MMP15: variants seen among roughly 807,000 people sequenced by gnomAD.
MMP15 encodes the protein matrix metalloproteinase-15.
A neutral mutation model predicts 65.0 loss-of-function variants in MMP15; 36 were observed. That is an observed-to-expected ratio of 0.55 (90% CI 0.42 to 0.73). The LOEUF is 0.73. Among genes scored for constraint, MMP15 ranks in the 30% least tolerant of loss-of-function variants. The probability of loss-of-function intolerance (pLI) is 0.00; values close to 1 mark genes in which losing one functional copy is unlikely to be tolerated. For missense variants in MMP15, 870 were observed against 987.8 expected (o/e 0.88, Z 1.60); for synonymous variants, 428 against 410.2 (o/e 1.04, Z -0.52).
chr16:58,042,632 T>C (rs1309545802), intron 7 of MMP15, among the ~76,000 whole-genome samples: 2 of 152,222 alleles, frequency 1.3e-5, no homozygotes, highest in African/African-American at 4.8e-5. Flanking sequence ...CCCTCTGTCC[T>C]TGCCTCTTTG....
intron 1 of MMP15, among the ~76,000 whole-genome samples, chr16:58,033,384 C>T (rs980067390): frequency 2.0e-5 from 3 of 152,176 alleles, no homozygotes; most frequent in South Asian, 2.1e-4. Flanking sequence ...TGAACCTTGC[C>T]GTCTGTATTA....
Position 58,038,312 on chromosome 16 carries a change from C to T in MMP15, c.358C>T (p.Arg120Ter), listed in dbSNP as rs1463139556. The T allele has an allele frequency of 1.9e-6, 3 of 1,614,070 alleles. No homozygotes were observed. Among genetic ancestry groups the T allele is most frequent in the Non-Finnish European group, 1.7e-6 (2 of 1,180,024 alleles). The stretch of plus-strand genomic sequence containing the variant: ...TGGGGTGCCAGACCAGTTCGGGGTA[C>T]GAGTGAAAGCCAACCTGCGGCGGCG... ...RCGVPDQFGVRVKANLRRRRK... is the reference protein window; with the variant it reads ...RCGVPDQFGV The change falls in exon 3 of 10, where the codon CGA (arginine) becomes TGA (stop). Residue 120 changes from arginine (R) to a stop codon, truncating the protein, a stop_gained. Coordinates refer to ENST00000219271, the MANE Select transcript of MMP15 (RefSeq NM_002428.4). LOFTEE classifies it high-confidence loss of function.
At chr16:58,026,835 C>A (rs1452886545) in intron 1 of MMP15, among the ~76,000 whole-genome samples, 2 of 152,232 alleles carry the variant, frequency 1.3e-5, no homozygotes, top group Admixed American at 1.3e-4. Flanking sequence ...CCAGCCCTTG[C>A]CTCCCCTCCT....
In MMP15 at chr16:58,038,376, A is replaced by G. The variant is rs370196494; in HGVS notation, c.422A>G (p.Asn141Ser). 4 of 1,613,914 alleles carry G rather than the reference A, an allele frequency of 2.5e-6. No homozygotes were observed. The highest frequency in any genetic ancestry group is 1.3e-5 in the African/African-American group (1 of 74,928). ...GCCCTCACCGGGAGGAAGTGGAACA[A>G]CCACCATCTGACCTTTAGGTAGGGG... ...RYALTGRKWN[N>S]HHLTFSIQNY... Residue 141 changes from asparagine (N) to serine (S), a missense_variant, in exon 3 of 10, where the codon AAC (asparagine) becomes AGC (serine). Coordinates refer to ENST00000219271, the MANE Select transcript of MMP15 (RefSeq NM_002428.4).
At chr16:58,039,672 T>A (rs1052726746) in intron 3 of MMP15, among the ~76,000 whole-genome samples, 4 of 152,268 alleles carry the variant, frequency 2.6e-5, no homozygotes, top group Admixed American at 2.6e-4. Flanking sequence ...TCAGTTTATT[T>A]GCCACAATGC....
rs994682022 is a variant in MMP15 at position 58,045,468 on chromosome 16, G to A, written c.*22G>A. The A allele has an allele frequency of 4.7e-6, 7 of 1,482,694 alleles. No individual in the cohort carries two copies. Among genetic ancestry groups the A allele is most frequent in the African/African-American group, 1.4e-5 (1 of 71,736 alleles). 91.8% of individuals were successfully genotyped at this position (1,482,694 alleles called of 1,614,324 possible). Reference sequence around the variant, plus strand: ...CTGACCACCCAGCGCTCCTGCTAACGGTGCTCAGGGGGCGCCTGTGGTTCT... The same window carrying A: ...CTGACCACCCAGCGCTCCTGCTAACAGTGCTCAGGGGGCGCCTGTGGTTCT... On this transcript the variant is annotated 3_prime_UTR_variant, in exon 10 of 10. Coordinates refer to ENST00000219271, the MANE Select transcript of MMP15 (RefSeq NM_002428.4).
rs1322000247 is a variant in MMP15, at chr16:58,042,380, G to T, written c.1303+11G>T. ...TTGTCTTTTTCAAAGGTGAGCAGAG[G>T]TAGGGTTAGAGGGTTGGGCACGCCT... is the stretch of plus-strand genomic sequence containing the variant. On this transcript the variant is annotated intron_variant, in intron 7 of 9. Transcript: ENST00000219271. 9.3e-6 allele frequency: 15 copies of T among 1,613,916 alleles called. No homozygotes were observed. The highest frequency in any genetic ancestry group is 1.3e-5 in the Non-Finnish European group (15 of 1,179,864).
At chr16:58,040,440 G>A in intron 4 of MMP15, 97 bp from the exon 5 acceptor site, 3 of 1,433,644 alleles carry the variant, frequency 2.1e-6, no homozygotes, top group East Asian at 2.4e-5. Flanking sequence ...GGAAGCAAGG[G>A]CAGGCTCTCT....
chr16:58,038,411 C>T lies in MMP15; in HGVS notation c.440+17C>T, dbSNP rs1244903693. ...GACCTTTAGGTAGGGGGCTCAGCTG[C>T]CCAGGGAAGCATCTGCCCCTCGGCA... On this transcript the variant is annotated intron_variant, in intron 3 of 9. Coordinates refer to ENST00000219271, the MANE Select transcript of MMP15 (RefSeq NM_002428.4). 6.2e-7 allele frequency: 1 copy of T among 1,613,250 alleles called. No homozygotes were observed.
chr16:58,030,656 C>G (rs1477760526), intron 1 of MMP15, among the ~76,000 whole-genome samples: 1 of 152,158 alleles, frequency 6.6e-6, no homozygotes, highest in African/African-American at 2.4e-5. Context: ...TTGTCCTTCC[C>G]CTAGGAGTGA....
At chr16:58,026,635 G>A (rs1432599899) in intron 1 of MMP15, 123 bp downstream of exon 1, 1 of 1,117,828 alleles carries the variant, frequency 8.9e-7, no homozygotes, top group Non-Finnish European at 1.1e-6. Flanking sequence ...GGGCCGTGGC[G>A]GGGAAGCAAG....
Position 58,025,973 on chromosome 16 carries a change from G to A in MMP15, c.-378G>A, listed in dbSNP as rs1963806103. 6.2e-6 allele frequency: 1 copy of A among 161,926 alleles called. No homozygotes were observed. The highest frequency in any genetic ancestry group is 1.3e-5 in the Non-Finnish European group (1 of 74,944). 10.0% of individuals were successfully genotyped at this position (161,926 alleles called of 1,614,324 possible). A position where few individuals can be genotyped will look rare whatever the true frequency, so the allele number is the denominator to read the frequency against. Reference sequence around the variant, plus strand: ...CGGGCAGCGCCCGGCCCCGGGCATGGACAGAGGGAGCTGGGCGCGCAGGGA... The same window carrying A: ...CGGGCAGCGCCCGGCCCCGGGCATGAACAGAGGGAGCTGGGCGCGCAGGGA... On this transcript the variant is annotated 5_prime_UTR_variant, in exon 1 of 10. Coordinates refer to ENST00000219271, the MANE Select transcript of MMP15 (RefSeq NM_002428.4).
At position 58,038,433 on chromosome 16, in the gene MMP15, G is replaced by A. The variant is rs58148469; in HGVS notation, c.440+39G>A. The A allele has an allele frequency of 3.6e-4, 584 of 1,610,628 alleles. No individual in the cohort carries two copies. In the African/African-American group the frequency reaches 7.1e-3, roughly 20 times the overall value. On this transcript the variant is annotated intron_variant, in intron 3 of 9. Coordinates refer to ENST00000219271, the MANE Select transcript of MMP15 (RefSeq NM_002428.4). Reference sequence around the variant, plus strand: ...CTGCCCAGGGAAGCATCTGCCCCTCGGCAGGCCGAGCCTCAGACCTCCTTT... The same window carrying A: ...CTGCCCAGGGAAGCATCTGCCCCTCAGCAGGCCGAGCCTCAGACCTCCTTT...
intron 1 of MMP15, among the ~76,000 whole-genome samples, chr16:58,027,786 C>T (rs1344959893): frequency 6.6e-6 from 1 of 152,144 alleles, no homozygotes; most frequent in Non-Finnish European, 1.5e-5. Context: ...CTGGCCTGGC[C>T]AGGGAGAGCT....
At chr16:58,041,300 G>C (rs919034161) in intron 5 of MMP15, among the ~76,000 whole-genome samples, 1 of 152,090 alleles carries the variant, frequency 6.6e-6, no homozygotes, top group African/African-American at 2.4e-5. Flanking sequence ...GAAATGCAGA[G>C]TCCAAAACGC....
At position 58,043,209 on chromosome 16, in the gene MMP15, G is replaced by A. The variant is rs1384233829; in HGVS notation, c.1304-1G>A. On this transcript the variant is annotated splice_acceptor_variant, in intron 7 of 9. Transcript: ENST00000219271. LOFTEE classifies it high-confidence loss of function. The stretch of plus-strand genomic sequence containing the variant: ...CACTGTGCCTGCCACCCCTCCTGTA[G>A]GTGACCGCTACTGGCTCTTTCGAGA... 1.3e-6 allele frequency: 2 copies of A among 1,587,160 alleles called. No individual in the cohort carries two copies. The highest frequency in any genetic ancestry group is 1.7e-6 in the Non-Finnish European group (2 of 1,164,576).
intron 9 of MMP15, 21 bp downstream of exon 9, chr16:58,043,648 A>C: frequency 6.4e-7 from 1 of 1,567,962 alleles, no homozygotes; most frequent in Non-Finnish European, 8.7e-7. Flanking sequence ...AGCCCCTCCC[A>C]GTTTGCCCAG....
At chr16:58,039,756 C>T (rs1267563730) in intron 3 of MMP15, 119 bp from the exon 4 acceptor site, 12 of 950,142 alleles carry the variant, frequency 1.3e-5, no homozygotes, top group Non-Finnish European at 9.3e-6. Flanking sequence ...TCAAAGCAAA[C>T]TGCCAGTTGA....
Position 58,045,222 on chromosome 16 carries a change from G to C in MMP15, c.1786G>C (p.Asp596His). Residue 596 changes from aspartate to histidine, a missense_variant, in exon 10 of 10, where the codon GAT becomes CAT. Physicochemically the swap from Asp to His is moderately conservative, Grantham distance 81. Coordinates refer to ENST00000219271, the MANE Select transcript of MMP15 (RefSeq NM_002428.4). ...GGACAGCGCAGAGGGCGACGTGGGGGATGGGGATGGGGACTTTGGGGCCGG... is the reference window on the plus strand; with the variant it reads ...GGACAGCGCAGAGGGCGACGTGGGGCATGGGGATGGGGACTTTGGGGCCGG... ...GADSAEGDVG[D>H]GDGDFGAGVN... 1.3e-6 allele frequency: 2 copies of C among 1,599,082 alleles called. No homozygotes were observed. Among genetic ancestry groups the C allele is most frequent in the Non-Finnish European group, 1.7e-6 (2 of 1,174,246 alleles).
Sources: allele counts gnomAD v4.1 joint callset (sites outside exome capture counted in the v4.1 genomes callset), GRCh38; gene constraint gnomAD v4.1.1; transcripts MANE v1.5; gene names NCBI Gene and HGNC (gene_info 2026-07-23, HGNC 2026-07-21).